MKRN2OS: variants seen among roughly 807,000 people sequenced by gnomAD.
MKRN2OS encodes MKRN2 opposite strand protein.
MKRN2OS carries 17 observed loss-of-function variants against 18.2 expected under a neutral mutation model. The ratio of observed to expected loss-of-function variants is 0.93; its 90% CI spans 0.64 to 1.40. The LOEUF (loss-of-function observed/expected upper bound fraction) is 1.40, where lower values mean the gene tolerates loss of function less well. MKRN2OS is among the 40% of genes most tolerant of loss of function. MKRN2OS has a pLI of 0.00. For synonymous variants in MKRN2OS, 121 were observed against 108.5 expected, an observed-to-expected ratio of 1.12 and a Z score of -0.72; for missense variants, 337 against 283.0, an observed-to-expected ratio of 1.19 and a Z score of -1.37.
chr3:12,560,715 CAGG>C (rs1241880139), intron 1 of MKRN2OS: 2 of 152,346 alleles, frequency 1.3e-5, no homozygotes, highest in African/African-American at 4.8e-5. Context: ...TGGGTTTACC[CAGG>C]GTAACACCCC....
downstream of MKRN2OS, among the ~76,000 whole-genome samples, chr3:12,552,809 G>T (rs2057939324): frequency 6.6e-6 from 1 of 151,862 alleles, no homozygotes; most frequent in Non-Finnish European, 1.5e-5. Flanking sequence ...AATTTCTTGA[G>T]CTCAGGAGTT....
downstream of MKRN2OS, among the ~76,000 whole-genome samples, chr3:12,553,157 C>T (rs1280656743): frequency 6.6e-6 from 1 of 151,888 alleles, no homozygotes; most frequent in East Asian, 1.9e-4. Flanking sequence ...AAAAGAAAGA[C>T]TTCCAAACTC....
intron 1 of MKRN2OS, among the ~76,000 whole-genome samples, chr3:12,558,878 G>C (rs1214991851): frequency 2.0e-5 from 3 of 152,188 alleles, no homozygotes; most frequent in Non-Finnish European, 2.9e-5. Context: ...AGGTACTGTA[G>C]TGTATAATCC....
chr3:12,559,114 A>G (rs897380165), intron 1 of MKRN2OS, among the ~76,000 whole-genome samples: 8 of 152,238 alleles, frequency 5.3e-5, no homozygotes, highest in Admixed American at 3.9e-4. Context: ...ATACAAGGAT[A>G]TGTAAAACTG....
At chr3:12,553,016 C>CAAAA (rs371579378), downstream of MKRN2OS, among the ~76,000 whole-genome samples, 11 of 101,976 alleles carry the variant, frequency 1.1e-4, no homozygotes, top group Middle Eastern at 4.8e-3. Flanking sequence ...ACCCGGTCTC[C>CAAAA]AAAAAAAAAA....
Position 12,545,369 on chromosome 3 carries a change from G to T in MKRN2OS, c.96C>A (p.Cys32Ter), listed in dbSNP as rs2057871876. The T allele has an allele frequency of 1.1e-5, 17 of 1,535,798 alleles. No homozygotes were observed. The highest frequency in any genetic ancestry group is 1.5e-5 in the Non-Finnish European group (17 of 1,146,788). The change falls in exon 1 of 4, where the codon TGC (cysteine) becomes TGA (stop). Residue 32 changes from cysteine (C) to a stop codon, truncating the protein, a stop_gained. Transcript: ENST00000564146. LOFTEE classifies it high-confidence loss of function. Reference sequence around the variant, plus strand: ...GCTTCCTCGAGCCCAGGTCCTGCTGGCAGAGAGGGCAGCACTGGGGCACAC... The same window carrying T: ...GCTTCCTCGAGCCCAGGTCCTGCTGTCAGAGAGGGCAGCACTGGGGCACAC... ...SFSVPQCCPL[C>*]QQDLGSRKLE...
At position 12,540,017 on chromosome 3, in the gene MKRN2OS, T is replaced by A. The variant is rs2057770848; in HGVS notation, c.*176A>T. The A allele has an allele frequency of 2.4e-6, 2 of 840,972 alleles. No individual in the cohort carries two copies. Among genetic ancestry groups the A allele is most frequent in the South Asian group, 3.5e-5 (2 of 57,142 alleles). 52.1% of individuals were successfully genotyped at this position (840,972 alleles called of 1,614,324 possible). A position where few individuals can be genotyped will look rare whatever the true frequency, so the allele number is the denominator to read the frequency against. On this transcript the variant is annotated 3_prime_UTR_variant, in exon 4 of 4. Coordinates refer to ENST00000564146, the MANE Select transcript of MKRN2OS (RefSeq NM_001195279.2). Reference sequence around the variant, plus strand: ...TCAGGCTGGTCTCAAACTCCCAACCTCAGGTGACCTACCTGTCTTAGCTTC... The same window carrying A: ...TCAGGCTGGTCTCAAACTCCCAACCACAGGTGACCTACCTGTCTTAGCTTC...
chr3:12,556,964 G>A (rs1356195630), intron 1 of MKRN2OS: 2 of 536,292 alleles, frequency 3.7e-6, no homozygotes, highest in East Asian at 3.7e-5. Flanking sequence ...TCCCCGGTGC[G>A]GAACCAATTG....
At chr3:12,557,050 C>CGTGCGCCGGG in intron 1 of MKRN2OS, 2 of 1,233,426 alleles carry the variant, frequency 1.6e-6, no homozygotes, top group South Asian at 2.3e-5. Context: ...CGTGCGCCGG[C>CGTGCGCCGGG]GTGACGCGGC....
At chr3:12,554,398 A>C (rs2057950569) in intron 1 of MKRN2OS, among the ~76,000 whole-genome samples, 1 of 152,100 alleles carries the variant, frequency 6.6e-6, no homozygotes, top group Non-Finnish European at 1.5e-5. Context: ...GCAGGAACCA[A>C]GCTGTTGGGT....
rs1339466541 is a variant in MKRN2OS, at chr3:12,543,179, C to A, written c.268+1G>T. On this transcript the variant is annotated splice_donor_variant, in intron 2 of 3. Coordinates refer to ENST00000564146, the MANE Select transcript of MKRN2OS (RefSeq NM_001195279.2). LOFTEE classifies it high-confidence loss of function. ...TTTTTAAGCTACAAAACTGCACTTA[C>A]CATTTGTGTTAGTTATTCCAACATG... 9.1e-6 allele frequency: 14 copies of A among 1,535,422 alleles called. No homozygotes were observed. In the South Asian group the frequency reaches 1.5e-4, roughly 17 times the overall value.
Position 12,540,212 on chromosome 3 carries a change from T to A in MKRN2OS, c.653A>T (p.Glu218Val), listed in dbSNP as rs780586863. 2.6e-6 allele frequency: 4 copies of A among 1,536,010 alleles called. No individual in the cohort carries two copies. Among genetic ancestry groups the A allele is most frequent in the Admixed American group, 2.0e-5 (1 of 50,972 alleles). Residue 218 changes from glutamate (E) to valine (V), a missense_variant, in exon 4 of 4, where the codon GAG (glutamate) becomes GTG (valine). Physicochemically the swap from Glu to Val is moderately radical, Grantham distance 121 (BLOSUM62 -2). Coordinates refer to ENST00000564146, the MANE Select transcript of MKRN2OS (RefSeq NM_001195279.2). ...DCPQQQAQPP[E>V]GGGLC Reference sequence around the variant, plus strand: ...TAGCTCTCAGCACAAACCGCCGCCCTCAGGGGGTTGTGCCTGCTGCTGGGG... The same window carrying A: ...TAGCTCTCAGCACAAACCGCCGCCCACAGGGGGTTGTGCCTGCTGCTGGGG...
At chr3:12,547,646 A>G (rs2057896332), upstream of MKRN2OS, among the ~76,000 whole-genome samples, 1 of 152,176 alleles carries the variant, frequency 6.6e-6, no homozygotes, top group Non-Finnish European at 1.5e-5. Flanking sequence ...GGTCTAGTTC[A>G]TTTCAGATTT....
chr3:12,542,043 C>G lies in MKRN2OS; in HGVS notation c.269-21G>C, dbSNP rs562911824. On this transcript the variant is annotated intron_variant, in intron 2 of 3. Transcript: ENST00000564146. ...AACCCCTGCAAATCAAAACCAAAGT[C>G]ATGTGGAGCCCCAAGGAAACACACA... The G allele has an allele frequency of 5.2e-5, 80 of 1,525,776 alleles. No individual in the cohort carries two copies. The South Asian group carries it at 7.3e-4, about 14-fold the overall frequency. 94.5% of individuals were successfully genotyped at this position (1,525,776 alleles called of 1,614,324 possible). A position where few individuals can be genotyped will look rare whatever the true frequency, so the allele number is the denominator to read the frequency against.
chr3:12,543,218 C>A lies in MKRN2OS; in HGVS notation c.230G>T (p.Gly77Val), dbSNP rs1045084210. The A allele has an allele frequency of 1.3e-6, 2 of 1,535,260 alleles. No homozygotes were observed. Among genetic ancestry groups the A allele is most frequent in the African/African-American group, 1.4e-5 (1 of 72,928 alleles). ...TATTCCAACATGAAGATCAGACCTT[C>A]CATCATACTCTCTGAAAGAAACAAG... ...TQGTFLREYD[G>V]RSDLHVGITN... The change falls in exon 2 of 4, where the codon GGA becomes GTA. Residue 77 changes from glycine (G) to valine (V), a missense_variant. Gly to Val is a moderately radical substitution (Grantham distance 109, BLOSUM62 -3). Transcript: ENST00000564146.
intron 1 of MKRN2OS, chr3:12,554,219 C>T (rs2450859): frequency 0.38 from 58,534 of 152,054 alleles, 12,436 homozygotes; most frequent in African/African-American, 0.56. Context: ...AGTGGCCCTG[C>T]CTTCTCTGCC....
chr3:12,540,639 G>C (rs959088), intron 3 of MKRN2OS, among the ~76,000 whole-genome samples: 90,409 of 151,886 alleles, frequency 0.6, 29,924 homozygotes, highest in African/African-American at 0.89. Context: ...TTTGGGAAGC[G>C]AGGGTGGGAG....
At chr3:12,548,106 T>C (rs1157034839), upstream of MKRN2OS, among the ~76,000 whole-genome samples, 1 of 151,158 alleles carries the variant, frequency 6.6e-6, no homozygotes. Flanking sequence ...GGTCGGGAGT[T>C]CAAGACCATC....
Position 12,545,458 on chromosome 3 carries a change from A to G in MKRN2OS, c.7T>C (p.Cys3Arg), listed in dbSNP as rs754975690. 8.6e-6 allele frequency: 13 copies of G among 1,518,258 alleles called. No homozygotes were observed. The South Asian group carries it at 1.2e-4, about 14-fold the overall frequency. 94.0% of individuals were successfully genotyped at this position (1,518,258 alleles called of 1,614,324 possible). Residue 3 changes from cysteine (C) to arginine (R), a missense_variant, in exon 1 of 4, where the codon TGC becomes CGC. By Grantham distance (180) the Cys-to-Arg change is radical (BLOSUM62 -3). Coordinates refer to ENST00000564146, the MANE Select transcript of MKRN2OS (RefSeq NM_001195279.2). MH[C>R]AEAGKALIKF... ...ATTAAAGCCTTCCCAGCCTCTGCGC[A>G]GTGCATAGCTTTCGCCTCCTGGAAT...
Sources: allele counts gnomAD v4.1 joint callset (sites outside exome capture counted in the v4.1 genomes callset), GRCh38; gene constraint gnomAD v4.1.1; transcripts MANE v1.5; gene names NCBI Gene and HGNC (gene_info 2026-07-23, HGNC 2026-07-21).